NEBL: variants seen among roughly 807,000 people sequenced by gnomAD.
The protein encoded by NEBL is LIM and SH3 protein 2.
In NEBL, 122 loss-of-function variants were observed where a neutral mutation model predicts 140.2. That is an observed-to-expected ratio of 0.87 (90% CI 0.75 to 1.01). The LOEUF (loss-of-function observed/expected upper bound fraction) is 1.01, where lower values mean the gene tolerates loss of function less well. NEBL is among the 50% of genes least tolerant of loss of function. The pLI is 0.00. For missense variants in NEBL, 1,365 were observed against 1,231.3 expected (o/e 1.11, Z -1.62); for synonymous variants, 436 against 398.9 (o/e 1.09, Z -1.11).
At chr10:21,116,365 A>T (rs1838285056) in intron 2 of NEBL, among the ~76,000 whole-genome samples, 1 of 152,088 alleles carries the variant, frequency 6.6e-6, no homozygotes, top group African/African-American at 2.4e-5. Flanking sequence ...CAAAAAAGGT[A>T]ATCTGTATCT....
rs1834955711 is a variant in NEBL, at chr10:20,780,429, T to C, written c.*5318A>G. 1 of 152,220 alleles carries C rather than the reference T, an allele frequency of 6.6e-6. No individual in the cohort carries two copies. Among genetic ancestry groups the C allele is most frequent in the African/African-American group, 2.4e-5 (1 of 41,472 alleles). The allele number at this position is 152,220 out of a possible 1,614,324, so 9.4% of individuals were successfully genotyped here. A position where few individuals can be genotyped will look rare whatever the true frequency, so the allele number is the denominator to read the frequency against. On this transcript the variant is annotated 3_prime_UTR_variant, in exon 28 of 28. Coordinates refer to ENST00000377122, the MANE Select transcript of NEBL (RefSeq NM_006393.3). ...TGAGCTTGGAGAAGCATAATATTGT[T>C]ATCACTTACAACTAAGTTTATTTGG...
At chr10:21,245,800 A>G (rs1173467391) in intron 3 of NEBL, among the ~76,000 whole-genome samples, 2 of 152,148 alleles carry the variant, frequency 1.3e-5, no homozygotes, top group African/African-American at 4.8e-5. Flanking sequence ...GGTTCACACC[A>G]TTCTCCTGCC....
chr10:20,784,465 T>C lies in NEBL; in HGVS notation c.*1282A>G, dbSNP rs1286275123. ...TAAAAAATCTCTGATGACATTCCTG[T>C]TTCATTCCCTTAAAAATGATTTAGA... On this transcript the variant is annotated 3_prime_UTR_variant, in exon 28 of 28. Coordinates refer to ENST00000377122, the MANE Select transcript of NEBL (RefSeq NM_006393.3). The C allele has an allele frequency of 6.6e-6, 1 of 152,180 alleles. No individual in the cohort carries two copies. The highest frequency in any genetic ancestry group is 2.4e-5 in the African/African-American group (1 of 41,446). The allele number at this position is 152,180 out of a possible 1,614,324, so 9.4% of individuals were successfully genotyped here. A position where few individuals can be genotyped will look rare whatever the true frequency, so the allele number is the denominator to read the frequency against.
intron 2 of NEBL, among the ~76,000 whole-genome samples, chr10:21,149,951 C>T (rs1840073453): frequency 6.6e-6 from 1 of 152,146 alleles, no homozygotes; most frequent in African/African-American, 2.4e-5. Context: ...GTGTTGATTG[C>T]TGTGGGGTAA....
At chr10:20,995,186 C>T (rs1837617840) in intron 3 of NEBL, among the ~76,000 whole-genome samples, 1 of 152,070 alleles carries the variant, frequency 6.6e-6, no homozygotes, top group African/African-American at 2.4e-5. Context: ...ATGGTTATTC[C>T]CCTCTGAGAA....
At position 20,785,265 on chromosome 10, in the gene NEBL, C is replaced by T. The variant is rs942080218; in HGVS notation, c.*482G>A. 4 of 196,974 alleles carry T rather than the reference C, an allele frequency of 2.0e-5. No homozygotes were observed. Among genetic ancestry groups the T allele is most frequent in the African/African-American group, 9.5e-5 (4 of 42,140 alleles). 12.2% of individuals were successfully genotyped at this position (196,974 alleles called of 1,614,324 possible). On this transcript the variant is annotated 3_prime_UTR_variant, in exon 28 of 28. Transcript: ENST00000377122. The stretch of plus-strand genomic sequence containing the variant: ...CAGACTGTCCTTCTGCCACTGTTTA[C>T]ACTTATTATATTGGGCAATTTTCAC...
chr10:21,026,501 A>C (rs560186043), intron 2 of NEBL, among the ~76,000 whole-genome samples: 1 of 152,370 alleles, frequency 6.6e-6, no homozygotes, highest in East Asian at 1.9e-4. Context: ...TGGTGAAATC[A>C]AACAGCCACC....
At chr10:21,227,828 TTTC>T (rs944825740) in intron 3 of NEBL, among the ~76,000 whole-genome samples, 40 of 150,266 alleles carry the variant, frequency 2.7e-4, no homozygotes, top group East Asian at 7.7e-4. Flanking sequence ...CTTCTTCTTC[TTTC>T]TTCTTCTTCT....
intron 1 of NEBL, among the ~76,000 whole-genome samples, chr10:21,284,888 T>C (rs760752596): frequency 1.3e-5 from 2 of 152,206 alleles, no homozygotes; most frequent in African/African-American, 4.8e-5. Flanking sequence ...TGTGAACTGA[T>C]TGTGCATTTT....
At chr10:21,123,585 C>G (rs1283564358) in intron 2 of NEBL, among the ~76,000 whole-genome samples, 1 of 152,030 alleles carries the variant, frequency 6.6e-6, no homozygotes, top group East Asian at 1.9e-4. Context: ...ATTTCCCATG[C>G]CTGGAACTCT....
At chr10:20,840,294 GA>G (rs1841292006) in intron 13 of NEBL, among the ~76,000 whole-genome samples, 1 of 152,224 alleles carries the variant, frequency 6.6e-6, no homozygotes, top group African/African-American at 2.4e-5. Flanking sequence ...TAAAGTGCAT[GA>G]AAAGTGAGCA....
chr10:20,993,169 A>G (rs1288428609), intron 3 of NEBL, among the ~76,000 whole-genome samples: 2 of 152,196 alleles, frequency 1.3e-5, no homozygotes, highest in Non-Finnish European at 1.5e-5. Context: ...GTAAAATCCC[A>G]AAGAAAAAAG....
intron 3 of NEBL, among the ~76,000 whole-genome samples, chr10:20,991,014 TA>T (rs1377680851): frequency 1.3e-5 from 2 of 152,158 alleles, no homozygotes; most frequent in Non-Finnish European, 2.9e-5. Flanking sequence ...TACAACAAAT[TA>T]GCATCCCTAA....
At chr10:21,014,742 C>T (rs1006956933) in intron 3 of NEBL, among the ~76,000 whole-genome samples, 3 of 152,198 alleles carry the variant, frequency 2.0e-5, no homozygotes, top group East Asian at 1.9e-4. Flanking sequence ...GGGCAAGCCA[C>T]GTTACTGCCT....
At chr10:21,130,608 G>A (rs1398504245) in intron 2 of NEBL, among the ~76,000 whole-genome samples, 1 of 152,036 alleles carries the variant, frequency 6.6e-6, no homozygotes. Context: ...GAAATATATG[G>A]AGAATTAAAT....
rs549298207 is a variant in NEBL, at chr10:21,283,160, G to A, written n.182+9670C>T. On this transcript the variant is annotated intron_variant and non_coding_transcript_variant, in intron 1 of 8. Coordinates refer to the NEBL transcript ENST00000675702. ...CAAAAAAAAAAAAAAAAAAAATTGC[G>A]GTAAAGAAGCCAGCTAAAACCCACC... Among the ~76,000 whole-genome samples, 289 of 150,402 alleles carry A rather than the reference G, an allele frequency of 1.9e-3. 1 individual carries two copies. The highest frequency in any genetic ancestry group is 6.2e-3 in the African/African-American group (253 of 41,004).
At chr10:20,926,561 A>G (rs888340976) in intron 4 of NEBL, among the ~76,000 whole-genome samples, 1 of 152,216 alleles carries the variant, frequency 6.6e-6, no homozygotes, top group Non-Finnish European at 1.5e-5. Flanking sequence ...AAGGATTTCT[A>G]TCACATTCTA....
chr10:21,247,301 C>T (rs915510104), intron 3 of NEBL, among the ~76,000 whole-genome samples: 2 of 152,176 alleles, frequency 1.3e-5, no homozygotes, highest in Admixed American at 6.6e-5. Context: ...ACTATTGATA[C>T]AACAACTTGG....
At chr10:21,121,069 C>G (rs1838550633) in intron 2 of NEBL, among the ~76,000 whole-genome samples, 1 of 152,128 alleles carries the variant, frequency 6.6e-6, no homozygotes, top group African/African-American at 2.4e-5. Context: ...TTGGTCCTGA[C>G]TGAAAACCCC....
Sources: allele counts gnomAD v4.1 joint callset (sites outside exome capture counted in the v4.1 genomes callset), GRCh38; gene constraint gnomAD v4.1.1; transcripts MANE v1.5; gene names NCBI Gene and HGNC (gene_info 2026-07-23, HGNC 2026-07-21).